CR1: variants seen among roughly 807,000 people sequenced by gnomAD.
CR1 encodes the protein complement C3b/C4b receptor 1 (Knops blood group).
CR1 carries 116 observed loss-of-function variants against 187.3 expected under a neutral mutation model. The observed-to-expected ratio is 0.62, with a 90% CI of 0.53 to 0.72. The LOEUF (loss-of-function observed/expected upper bound fraction) is 0.72. CR1 is among the 30% of genes least tolerant of loss of function. The pLI is 0.00. For synonymous variants in CR1, 576 were observed against 747.1 expected, an observed-to-expected ratio of 0.77 and a Z score of 3.73; for missense variants, 1,731 against 2,110.7, an observed-to-expected ratio of 0.82 and a Z score of 3.52.
rs768842467 is a variant in CR1 at position 207,622,012 on chromosome 1, G to A, written c.7276+16G>A. 1.3e-6 allele frequency: 2 copies of A among 1,589,442 alleles called. No individual in the cohort carries two copies. The highest frequency in any genetic ancestry group is 2.3e-5 in the East Asian group (1 of 44,424). The stretch of plus-strand genomic sequence containing the variant: ...CTCATAGTTGGTAAGTTTTATGAAA[G>A]TTTTGCTGAGGAATTCTGGCATCTA... On this transcript the variant is annotated intron_variant, in intron 44 of 46. Transcript: ENST00000367049.
chr1:207,507,809 C>CAA (rs796318119), intron 3 of CR1, among the ~76,000 whole-genome samples: 4 of 144,388 alleles, frequency 2.8e-5, no homozygotes, highest in Admixed American at 2.1e-4. Context: ...ATGTTCACAC[C>CAA]AAAAAAAAAA....
chr1:207,496,449 A>T, intron 1 of CR1, 61 bp downstream of exon 1: 1 of 1,520,284 alleles, frequency 6.6e-7, no homozygotes. Context: ...GGCCCCGCAG[A>T]GAACTCGCGT....
Position 207,575,653 on chromosome 1 carries a change from T to C in CR1, c.4510T>C (p.Trp1504Arg). Residue 1504 changes from tryptophan to arginine, a missense_variant, in exon 28 of 47, where the codon TGG becomes CGG. By Grantham distance (101) the Trp-to-Arg change is moderately radical. Around this residue, in one of 5 missense-constraint regions of CR1, gnomAD observed 1,312 missense variants for 1,379.6 expected, o/e 0.95. Coordinates refer to ENST00000367049, the MANE Select transcript of CR1 (RefSeq NM_000651.6). ...ECILSGNTAH[W>R]STKPPICQRI... ...TATCCTCTCAGGCAATACTGCCCATTGGAGCACGAAGCCGCCAATTTGTCA... is the reference window on the plus strand; with the variant it reads ...TATCCTCTCAGGCAATACTGCCCATCGGAGCACGAAGCCGCCAATTTGTCA... 6.2e-7 allele frequency: 1 copy of C among 1,611,824 alleles called. No homozygotes were observed. Among genetic ancestry groups the C allele is most frequent in the Non-Finnish European group, 8.5e-7 (1 of 1,179,690 alleles).
chr1:207,593,451 A>G (rs913746352), intron 35 of CR1, among the ~76,000 whole-genome samples: 1 of 152,248 alleles, frequency 6.6e-6, no homozygotes, highest in Non-Finnish European at 1.5e-5. Context: ...CTTATACAAA[A>G]ACTAACTCAA....
chr1:207,567,365 G>T lies in CR1; in HGVS notation c.3953-459G>T, dbSNP rs189159003. The stretch of plus-strand genomic sequence containing the variant: ...GATGATCAATATCAATAAGTAATCA[G>T]TGAAAGGTTTCACCTATTTAAGATG... On this transcript the variant is annotated intron_variant, in intron 24 of 46. Coordinates refer to ENST00000367049, the MANE Select transcript of CR1 (RefSeq NM_000651.6). Among the ~76,000 whole-genome samples the T allele has an allele frequency of 3.4e-3, 509 of 148,960 alleles. 10 individuals carry two copies. The highest frequency in any genetic ancestry group is 0.014 in the Middle Eastern group (4 of 290).
chr1:207,524,051 G>A (rs1482851309), intron 5 of CR1, 42 bp downstream of exon 5: 3 of 1,611,618 alleles, frequency 1.9e-6, no homozygotes, highest in Non-Finnish European at 2.5e-6. Context: ...CCAGTGACAT[G>A]CGTTGCTGTT....
At chr1:207,588,843 A>C in intron 35 of CR1, 69 bp downstream of exon 35, 1 of 1,070,558 alleles carries the variant, frequency 9.3e-7, no homozygotes, top group Middle Eastern at 2.0e-4. Context: ...ACCCAGTCTC[A>C]GATAGACAAA....
At chr1:207,601,123 A>G (rs1465095750) in intron 35 of CR1, among the ~76,000 whole-genome samples, 1 of 152,220 alleles carries the variant, frequency 6.6e-6, no homozygotes, top group South Asian at 2.1e-4. Context: ...ATTATAAAGA[A>G]ATCTAAAAGC....
At chr1:207,513,154 G>GTCTACTT (rs1266207935) in intron 4 of CR1, among the ~76,000 whole-genome samples, 2 of 152,132 alleles carry the variant, frequency 1.3e-5, no homozygotes, top group Non-Finnish European at 2.9e-5. Context: ...TCGGCTATCC[G>GTCTACTT]TCTACTTTGG....
rs996956758 is a variant in CR1, at chr1:207,600,293, C to A, written c.5811-6958C>A. Among the ~76,000 whole-genome samples the A allele has an allele frequency of 2.0e-5, 3 of 151,944 alleles. No individual in the cohort carries two copies. The South Asian group carries it at 6.2e-4, about 32-fold the overall frequency. ...TAAAATAAATAAAAATACAAATTGG[C>A]AAAATAATAATAGTTGAAAACTTCA... is the stretch of plus-strand genomic sequence containing the variant. On this transcript the variant is annotated intron_variant, in intron 35 of 46. Transcript: ENST00000367049.
At chr1:207,615,696 C>A (rs945043970) in intron 40 of CR1, among the ~76,000 whole-genome samples, 2 of 152,006 alleles carry the variant, frequency 1.3e-5, no homozygotes, top group African/African-American at 2.4e-5. Context: ...AATTTGGATA[C>A]CTTATGGTGA....
rs542914044 is a variant in CR1 at position 207,596,081 on chromosome 1, A to C, written c.5810+7307A>C. 5.2e-3 allele frequency among the ~76,000 whole-genome samples: 777 copies of C among 148,508 alleles called. 2 individuals carry two copies. The highest frequency in any genetic ancestry group is 0.021 in the Middle Eastern group (6 of 280). ...TATATATCTATATCTATATCTATATATATATATATAATCAAATTTTAAAAG... is the reference window on the plus strand; with the variant it reads ...TATATATCTATATCTATATCTATATCTATATATATAATCAAATTTTAAAAG... On this transcript the variant is annotated intron_variant, in intron 35 of 46. Coordinates refer to ENST00000367049, the MANE Select transcript of CR1 (RefSeq NM_000651.6).
intron 1 of CR1, among the ~76,000 whole-genome samples, chr1:207,499,452 G>T (rs1326016612): frequency 6.6e-6 from 1 of 152,198 alleles, no homozygotes; most frequent in Non-Finnish European, 1.5e-5. Context: ...AGGTGCTGAA[G>T]TCTCCTTATC....
chr1:207,612,990 G>A (rs1182697427), intron 39 of CR1, among the ~76,000 whole-genome samples: 3 of 152,194 alleles, frequency 2.0e-5, no homozygotes, highest in South Asian at 2.1e-4. Context: ...CACATCTCCT[G>A]TCGCCCAGCT....
In CR1 at chr1:207,511,556, T is replaced by C. The variant is rs550713937; in HGVS notation, c.402-13T>C. On this transcript the variant is annotated splice_polypyrimidine_tract_variant and intron_variant, in intron 3 of 46. Transcript: ENST00000367049. ...GTCTTTAGAATGTAACATTCCTTAT[T>C]TTTTGCCTCTAGATACCGACTCATT... 36 of 1,611,450 alleles carry C rather than the reference T, an allele frequency of 2.2e-5. 2 individuals are homozygous for C. The African/African-American group carries it at 3.9e-4, about 17-fold the overall frequency.
chr1:207,572,484 C>CT (rs1465278946), intron 27 of CR1, among the ~76,000 whole-genome samples: 2 of 151,782 alleles, frequency 1.3e-5, no homozygotes, highest in East Asian at 3.8e-4. Flanking sequence ...ATCAATAAAC[C>CT]TTTTTTTAAA....
At chr1:207,523,191 TTG>T (rs1031519313) in intron 4 of CR1, among the ~76,000 whole-genome samples, 3 of 152,226 alleles carry the variant, frequency 2.0e-5, no homozygotes, top group Non-Finnish European at 2.9e-5. Flanking sequence ...CTGTGTATAT[TTG>T]TGTTTTCTCT....
intron 4 of CR1, among the ~76,000 whole-genome samples, chr1:207,521,431 A>C (rs982099452): frequency 1.1e-4 from 17 of 151,950 alleles, no homozygotes; most frequent in Admixed American, 1.1e-3. Flanking sequence ...TCTTCTATGT[A>C]TTTAGTCTGT....
intron 27 of CR1, among the ~76,000 whole-genome samples, chr1:207,572,336 T>A (rs966019530): frequency 6.6e-6 from 1 of 150,458 alleles, no homozygotes; most frequent in Non-Finnish European, 1.5e-5. Context: ...CTGTCTCAGC[T>A]TAAGAAATTG....
Sources: allele counts gnomAD v4.1 joint callset (sites outside exome capture counted in the v4.1 genomes callset), GRCh38; gene constraint gnomAD v4.1.1; regional missense constraint gnomAD v4.1.1; transcripts MANE v1.5; gene names NCBI Gene and HGNC (gene_info 2026-07-23, HGNC 2026-07-21).